The following NCOA1 variants were observed in gnomAD, a reference collection of about 807,000 sequenced individuals.
NCOA1 encodes Hin-2 protein.
A neutral mutation model predicts 150.9 loss-of-function variants in NCOA1; 35 were observed. The ratio of observed to expected loss-of-function variants is 0.23; its 90% CI spans 0.18 to 0.31. The LOEUF (loss-of-function observed/expected upper bound fraction) is 0.31, where lower values mean the gene tolerates loss of function less well. Among genes scored for constraint, NCOA1 ranks in the 10% least tolerant of loss-of-function variants. The pLI, the probability that NCOA1 is intolerant of heterozygous loss-of-function variation, is 1.00. For synonymous variants in NCOA1, 590 were observed against 630.0 expected (o/e 0.94, Z 0.95); for missense variants, 1,491 against 1,749.3 (o/e 0.85, Z 2.63).
chr2:24,768,789 C>T lies in NCOA1; in HGVS notation c.*398C>T. 4.4e-6 allele frequency: 1 copy of T among 226,718 alleles called. No homozygotes were observed. The highest frequency in any genetic ancestry group is 8.8e-6 in the Non-Finnish European group (1 of 113,770). The allele number at this position is 226,718 out of a possible 1,614,324, so 14.0% of individuals were successfully genotyped here. ...TCCGCCGCTTAGTCCCAACCCTGCC[C>T]AGGAAGAAGGGCCCGTGGGGCTTTG... On this transcript the variant is annotated 3_prime_UTR_variant, in exon 23 of 23. Transcript: ENST00000348332.
chr2:24,527,800 C>G (rs969900632), intron 1 of NCOA1, among the ~76,000 whole-genome samples: 3 of 152,168 alleles, frequency 2.0e-5, no homozygotes, highest in African/African-American at 7.2e-5. Flanking sequence ...TACAAAGGTT[C>G]CCTTTTCTCC....
rs866091592 is a variant in NCOA1 at position 24,536,008 on chromosome 2, T to C, written c.-395-28287T>C. ...TTGAATGTTGGCCTGCCTTGCTAGG[T>C]TGGGGACATTCTCCTGGATAATATT... On this transcript the variant is annotated intron_variant, in intron 1 of 22. Transcript: ENST00000348332. Among the ~76,000 whole-genome samples the C allele has an allele frequency of 3.9e-5, 6 of 152,330 alleles. No individual in the cohort carries two copies. The East Asian group carries it at 5.8e-4, about 15-fold the overall frequency.
chr2:24,547,944 G>A (rs1054767144), intron 1 of NCOA1, among the ~76,000 whole-genome samples: 3 of 125,312 alleles, frequency 2.4e-5, no homozygotes, highest in Admixed American at 1.1e-4. Context: ...AGCCGAGATC[G>A]CACCACTGAA....
intron 9 of NCOA1, 118 bp downstream of exon 9, chr2:24,691,778 C>T: frequency 3.2e-6 from 3 of 926,058 alleles, no homozygotes; most frequent in Non-Finnish European, 4.7e-6. Context: ...TAATATGTAT[C>T]ATAGTGGCTA....
In NCOA1 at chr2:24,643,968, G is replaced by A. The variant is rs1558868186; in HGVS notation, c.-172G>A. 1 of 151,722 alleles carries A rather than the reference G, an allele frequency of 6.6e-6. No individual in the cohort carries two copies. Among genetic ancestry groups the A allele is most frequent in the Non-Finnish European group, 1.5e-5 (1 of 67,932 alleles). The allele number at this position is 151,722 out of a possible 1,614,324, so 9.4% of individuals were successfully genotyped here. On this transcript the variant is annotated splice_region_variant and 5_prime_UTR_variant, in exon 4 of 23. Coordinates refer to ENST00000348332, the MANE Select transcript of NCOA1 (RefSeq NM_003743.5). ...TTATTTTTGTCTTTTTATTCTAGTT[G>A]TTTATATAATTGGCCTTAAATGAGG...
intron 2 of NCOA1, among the ~76,000 whole-genome samples, chr2:24,565,142 A>C (rs1483163639): frequency 6.6e-6 from 1 of 152,242 alleles, no homozygotes; most frequent in Non-Finnish European, 1.5e-5. Context: ...CTTCCAAAAC[A>C]TGGGGTGGAT....
At chr2:24,657,121 T>C (rs1670984864) in intron 4 of NCOA1, among the ~76,000 whole-genome samples, 1 of 152,210 alleles carries the variant, frequency 6.6e-6, no homozygotes, top group African/African-American at 2.4e-5. Flanking sequence ...CTTCATTTCT[T>C]CCCGGCACGG....
rs1666947727 is a variant in NCOA1, at chr2:24,576,149, G to GTTTTTTTTTGTTTTTTTTTTTTT, written c.-259-8318_-259-8317insGTTTTTTTTTTTTTTTTTTTTTT. 4.7e-4 allele frequency among the ~76,000 whole-genome samples: 44 copies of GTTTTTTTTTGTTTTTTTTTTTTT among 93,992 alleles called. 1 individual carries two copies. Among genetic ancestry groups the GTTTTTTTTTGTTTTTTTTTTTTT allele is most frequent in the Non-Finnish European group, 8.0e-4 (39 of 48,850 alleles). The allele number at this position is 93,992 out of a possible 152,430, so 61.7% of individuals were successfully genotyped here. Reference sequence around the variant, plus strand: ...GAGTTTCAGAAATTATTTGGCCTTTGTTTTTTTTTTTTTGTTTTTTGTTTT... The same window carrying GTTTTTTTTTGTTTTTTTTTTTTT: ...GAGTTTCAGAAATTATTTGGCCTTTGTTTTTTTTTGTTTTTTTTTTTTTTTTTTTTTTTTTTGTTTTTTGTTTT... On this transcript the variant is annotated intron_variant, in intron 2 of 22. Transcript: ENST00000348332.
chr2:24,672,299 A>T (rs1448584866), intron 6 of NCOA1, among the ~76,000 whole-genome samples: 1 of 152,198 alleles, frequency 6.6e-6, no homozygotes, highest in Non-Finnish European at 1.5e-5. Context: ...TAAAAAGGAA[A>T]GATCTGAGGC....
chr2:24,596,396 A>G (rs1667886842), intron 3 of NCOA1, among the ~76,000 whole-genome samples: 1 of 152,160 alleles, frequency 6.6e-6, no homozygotes. Context: ...TACTGACAGC[A>G]GTTCTTACAA....
At chr2:24,549,057 AG>A (rs1665722587) in intron 1 of NCOA1, among the ~76,000 whole-genome samples, 2 of 152,110 alleles carry the variant, frequency 1.3e-5, no homozygotes, top group African/African-American at 4.8e-5. Context: ...CTGCCCTAAC[AG>A]AGGTTCTCTA....
At chr2:24,552,847 A>T (rs781386755) in intron 1 of NCOA1, among the ~76,000 whole-genome samples, 2 of 152,208 alleles carry the variant, frequency 1.3e-5, no homozygotes, top group Non-Finnish European at 1.5e-5. Context: ...TAATTCATTT[A>T]GTAGTTTTAA....
chr2:24,606,037 GT>G (rs1668347135), intron 3 of NCOA1, among the ~76,000 whole-genome samples: 2 of 152,134 alleles, frequency 1.3e-5, no homozygotes, highest in Middle Eastern at 6.8e-3. Context: ...TACATTCTGT[GT>G]TCTCTAGATT....
chr2:24,553,964 C>G (rs1024652428), intron 1 of NCOA1, among the ~76,000 whole-genome samples: 7 of 152,146 alleles, frequency 4.6e-5, no homozygotes, highest in South Asian at 4.1e-4. Context: ...TACGTTTTAT[C>G]TAAGTTGTGG....
At chr2:24,741,350 A>C (rs1663590343) in intron 18 of NCOA1, among the ~76,000 whole-genome samples, 1 of 152,210 alleles carries the variant, frequency 6.6e-6, no homozygotes, top group African/African-American at 2.4e-5. Context: ...TTGGAATTGA[A>C]AAAGTCTTCT....
At chr2:24,731,037 C>CAAA (rs202108180) in intron 17 of NCOA1, among the ~76,000 whole-genome samples, 18 of 61,500 alleles carry the variant, frequency 2.9e-4, no homozygotes, top group African/African-American at 9.0e-4. Flanking sequence ...GACTCTGTCT[C>CAAA]AAAAAAAAAA....
At chr2:24,519,486 G>T (rs7568317) in intron 1 of NCOA1, among the ~76,000 whole-genome samples, 127,387 of 151,398 alleles carry the variant, frequency 0.84, 54,430 homozygotes, top group East Asian at 0.99. Context: ...AGTTGTACAA[G>T]TTTTTGTATG....
chr2:24,758,276 C>A, intron 21 of NCOA1, 120 bp downstream of exon 21: 2 of 873,398 alleles, frequency 2.3e-6, no homozygotes, highest in Non-Finnish European at 3.2e-6. Context: ...TTCCCACTAA[C>A]TTTTAATAAT....
chr2:24,612,699 T>G (rs1298415151), intron 3 of NCOA1, among the ~76,000 whole-genome samples: 1 of 152,178 alleles, frequency 6.6e-6, no homozygotes, highest in Non-Finnish European at 1.5e-5. Context: ...CTTTCCCTAA[T>G]ATTTTGAAAT....
Sources: allele counts gnomAD v4.1 joint callset (sites outside exome capture counted in the v4.1 genomes callset), GRCh38; gene constraint gnomAD v4.1.1; transcripts MANE v1.5; gene names NCBI Gene and HGNC (gene_info 2026-07-23, HGNC 2026-07-21).